Variants in ECPAS observed in about 807,000 individuals in gnomAD.
ECPAS encodes the protein Ecm29 proteasome adaptor and scaffold, also known as proteasome adapter and scaffold protein ECM29.
A neutral mutation model predicts 255.1 loss-of-function variants in ECPAS; 70 were observed. That is an observed-to-expected ratio of 0.27 (90% CI 0.23 to 0.33). The LOEUF is 0.33. ECPAS is among the 10% of genes least tolerant of loss of function. The probability of loss-of-function intolerance (pLI) is 1.00; values close to 1 mark genes in which losing one functional copy is unlikely to be tolerated. For synonymous variants in ECPAS, 784 were observed against 775.0 expected (o/e 1.01, Z -0.19); for missense variants, 1,817 against 2,206.4 (o/e 0.82, Z 3.54).
intron 1 of ECPAS, among the ~76,000 whole-genome samples, chr9:111,482,746 T>G (rs2098308047): frequency 6.6e-6 from 1 of 151,894 alleles, no homozygotes; most frequent in South Asian, 2.1e-4. Context: ...CTATGAAACT[T>G]CGGTATTTAT....
chr9:111,378,544 AT>A lies in ECPAS; in HGVS notation c.3954+35del, dbSNP rs767679762. 2.5e-6 allele frequency: 4 copies of A among 1,590,814 alleles called. No homozygotes were observed. The Admixed American group carries it at 6.8e-5, about 27-fold the overall frequency. On this transcript the variant is annotated intron_variant, in intron 36 of 49. Transcript: ENST00000684092. ...GGTATCTTAACAGGGCTCTTCCCTC[AT>A]GATACTTACCAATATGCCTGCGCTA...
At chr9:111,411,522 C>T (rs1438739010) in intron 21 of ECPAS, 2 of 187,362 alleles carry the variant, frequency 1.1e-5, no homozygotes, top group African/African-American at 4.7e-5. Context: ...CTATTGCCAA[C>T]AAAAGACAAT....
chr9:111,436,047 A>T (rs2098237778), intron 7 of ECPAS, among the ~76,000 whole-genome samples: 1 of 151,188 alleles, frequency 6.6e-6, no homozygotes, highest in African/African-American at 2.4e-5. Flanking sequence ...AAAAAAAAAG[A>T]TCCATAAAAC....
intron 35 of ECPAS, among the ~76,000 whole-genome samples, chr9:111,380,136 A>C (rs1321190119): frequency 6.6e-6 from 1 of 152,272 alleles, no homozygotes; most frequent in East Asian, 1.9e-4. Flanking sequence ...TACTTCTTGA[A>C]TAGTAAGACT....
chr9:111,365,318 C>T (rs1197133852), intron 48 of ECPAS, among the ~76,000 whole-genome samples: 1 of 151,090 alleles, frequency 6.6e-6, no homozygotes, highest in Non-Finnish European at 1.5e-5. Flanking sequence ...TCATCATCAT[C>T]ATCATCACCT....
Position 111,484,132 on chromosome 9 carries a change from C to A in ECPAS, c.-99G>T. On this transcript the variant is annotated 5_prime_UTR_variant, in exon 1 of 50. Transcript: ENST00000684092. The stretch of plus-strand genomic sequence containing the variant: ...GCCTCTGACCTGAGTCGGAGCCGGT[C>A]TCCATGCCGCGGACGCTGCGCTCGG... The A allele has an allele frequency of 6.9e-7, 1 of 1,459,328 alleles. No individual in the cohort carries two copies. Among genetic ancestry groups the A allele is most frequent in the South Asian group, 1.3e-5 (1 of 77,110 alleles). 90.4% of individuals were successfully genotyped at this position (1,459,328 alleles called of 1,614,324 possible). A position where few individuals can be genotyped will look rare whatever the true frequency, so the allele number is the denominator to read the frequency against.
chr9:111,395,084 A>G (rs1564515207), intron 25 of ECPAS, among the ~76,000 whole-genome samples: 1 of 152,194 alleles, frequency 6.6e-6, no homozygotes, highest in Non-Finnish European at 1.5e-5. Context: ...AGTACATGAC[A>G]TGGTCAATTC....
chr9:111,444,342 G>T, intron 4 of ECPAS, 36 bp downstream of exon 4: 1 of 1,417,766 alleles, frequency 7.1e-7, no homozygotes. Flanking sequence ...AAGAAAATTT[G>T]CTGTAAGTCA....
intron 2 of ECPAS, among the ~76,000 whole-genome samples, chr9:111,459,146 T>A (rs138435777): frequency 6.6e-6 from 1 of 152,320 alleles, no homozygotes; most frequent in South Asian, 2.1e-4. Flanking sequence ...ATTTTCCATA[T>A]GTTATATAAA....
chr9:111,447,193 T>C (rs778494735), intron 3 of ECPAS, among the ~76,000 whole-genome samples: 1 of 152,094 alleles, frequency 6.6e-6, no homozygotes, highest in East Asian at 1.9e-4. Context: ...GGCATTATCA[T>C]AGCCAACTGC....
At chr9:111,390,134 T>C (rs1253708905) in intron 29 of ECPAS, 33 bp from the exon 30 acceptor site, 1 of 1,281,320 alleles carries the variant, frequency 7.8e-7, no homozygotes, top group African/African-American at 1.5e-5. Flanking sequence ...TAGGCAATAA[T>C]ACACTTCTCT....
chr9:111,379,567 G>A (rs886507444), intron 35 of ECPAS, among the ~76,000 whole-genome samples: 1 of 152,140 alleles, frequency 6.6e-6, no homozygotes, highest in African/African-American at 2.4e-5. Flanking sequence ...AATGAAGTTC[G>A]CTGCATCAAT....
intron 6 of ECPAS, among the ~76,000 whole-genome samples, chr9:111,438,483 C>T (rs138045330): frequency 3.3e-5 from 5 of 152,268 alleles, no homozygotes; most frequent in African/African-American, 1.2e-4. Flanking sequence ...TGGTGCACGC[C>T]TGTAGTCCCA....
At chr9:111,384,399 A>G in intron 34 of ECPAS, 123 bp downstream of exon 34, 2 of 809,242 alleles carry the variant, frequency 2.5e-6, no homozygotes, top group Non-Finnish European at 4.2e-6. Flanking sequence ...AGAGCAGTGA[A>G]CTACAACATG....
At chr9:111,470,247 T>C (rs1383776107) in intron 2 of ECPAS, among the ~76,000 whole-genome samples, 9 of 152,034 alleles carry the variant, frequency 5.9e-5, no homozygotes, top group Non-Finnish European at 5.9e-5. Context: ...TGGAAACCCT[T>C]GCATCTGGAT....
intron 18 of ECPAS, among the ~76,000 whole-genome samples, chr9:111,414,912 C>T (rs919214208): frequency 1.4e-4 from 21 of 152,124 alleles, no homozygotes; most frequent in African/African-American, 4.8e-4. Flanking sequence ...GGCTGTTATC[C>T]TTAGCAAACT....
intron 9 of ECPAS, among the ~76,000 whole-genome samples, chr9:111,429,038 A>G (rs141726179): frequency 6.6e-6 from 1 of 152,352 alleles, no homozygotes; most frequent in Non-Finnish European, 1.5e-5. Flanking sequence ...TGTGGTGAAT[A>G]CAAGTTTCTC....
rs534767894 is a variant in ECPAS at position 111,432,155 on chromosome 9, T to C, written c.848+1078A>G. Among the ~76,000 whole-genome samples the C allele has an allele frequency of 2.0e-5, 3 of 152,364 alleles. No individual in the cohort carries two copies. The East Asian group carries it at 5.8e-4, about 29-fold the overall frequency. On this transcript the variant is annotated intron_variant, in intron 8 of 49. Coordinates refer to ENST00000684092, the MANE Select transcript of ECPAS (RefSeq NM_001364929.1). ...TAGAAAATGATATAATGAACAAATC[T>C]ATAAAATTTTTCTAAATCTCTTTCT...
intron 3 of ECPAS, among the ~76,000 whole-genome samples, chr9:111,447,291 T>C (rs1013230531): frequency 6.6e-6 from 1 of 152,034 alleles, no homozygotes; most frequent in African/African-American, 2.4e-5. Context: ...TGCATGGTTT[T>C]TTTCTTTCTT....
Sources: gnomAD v4.1 joint callset for allele counts (sites outside exome capture counted in the v4.1 genomes callset) on GRCh38, gnomAD v4.1.1 for gene constraint, MANE v1.5 for transcripts, NCBI Gene and HGNC (gene_info 2026-07-23, HGNC 2026-07-21) for gene names.